The following IGIP variants were observed in gnomAD, a reference collection of about 807,000 sequenced individuals.
IGIP encodes IgA-inducing protein homolog.
Under a neutral mutation model 3.2 loss-of-function variants are expected in IGIP, and 1 was observed. The ratio of observed to expected loss-of-function variants is 0.32; its 90% CI spans 0.11 to 1.50. The LOEUF (loss-of-function observed/expected upper bound fraction) is 1.50, where lower values mean the gene tolerates loss of function less well. Ranked by LOEUF, IGIP falls within the 40% of genes most tolerant of loss-of-function variation. IGIP has a pLI of 0.39. For synonymous variants in IGIP, 20 were observed against 22.7 expected, an observed-to-expected ratio of 0.88 and a Z score of 0.34; for missense variants, 64 against 69.0, an observed-to-expected ratio of 0.93 and a Z score of 0.26.
In IGIP at chr5:140,128,230, G is replaced by A. The variant is rs1763233999; in HGVS notation, c.-247G>A. On this transcript the variant is annotated 5_prime_UTR_variant, in exon 1 of 1. Transcript: ENST00000333305. ...ACAATATCCTTTCAGAAATAGAATT[G>A]TTCTTTAATATCTTTCCAAAATGAC... The A allele has an allele frequency of 3.0e-6, 1 of 331,790 alleles. No homozygotes were observed. The highest frequency in any genetic ancestry group is 5.1e-5 in the Admixed American group (1 of 19,732). 20.6% of individuals were successfully genotyped at this position (331,790 alleles called of 1,614,324 possible). A position where few individuals can be genotyped will look rare whatever the true frequency, so the allele number is the denominator to read the frequency against.
At position 140,128,058 on chromosome 5, in the gene IGIP, C is replaced by G. The variant is rs1218905718; in HGVS notation, c.-419C>G. 1 of 176,488 alleles carries G rather than the reference C, an allele frequency of 5.7e-6. No individual in the cohort carries two copies. Among genetic ancestry groups the G allele is most frequent in the Non-Finnish European group, 1.3e-5 (1 of 75,314 alleles). The allele number at this position is 176,488 out of a possible 1,614,324, so 10.9% of individuals were successfully genotyped here. A position where few individuals can be genotyped will look rare whatever the true frequency, so the allele number is the denominator to read the frequency against. ...ACATGGTTGTGCTCTGTTTGAAAGTCTAAGAATAGGTATTGTTGGAATATA... is the reference window on the plus strand; with the variant it reads ...ACATGGTTGTGCTCTGTTTGAAAGTGTAAGAATAGGTATTGTTGGAATATA... On this transcript the variant is annotated 5_prime_UTR_variant, in exon 1 of 1. Coordinates refer to ENST00000333305, the MANE Select transcript of IGIP (RefSeq NM_001007189.2).
rs765769869 is a variant in IGIP at position 140,128,602 on chromosome 5, C to T, written c.126C>T (p.Cys42=). The change falls in exon 1 of 1, where the codon TGC becomes TGT. Residue 42 remains cysteine (C), a synonymous_variant. Coordinates refer to ENST00000333305, the MANE Select transcript of IGIP (RefSeq NM_001007189.2). ...GTGGAAACCAAGCAAACGTGTTGTG[C>T]ATCAGCCGGCTTGAGTTTGTTCAAT... ...SPCGNQANVL[C]ISRLEFVQYQ... 4 of 1,612,620 alleles carry T rather than the reference C, an allele frequency of 2.5e-6. No individual in the cohort carries two copies. The highest frequency in any genetic ancestry group is 2.5e-6 in the Non-Finnish European group (3 of 1,179,692).
Position 140,128,748 on chromosome 5 carries a change from A to G in IGIP, c.*110A>G, listed in dbSNP as rs1763241286. The G allele has an allele frequency of 4.3e-6, 4 of 932,592 alleles. No homozygotes were observed. Among genetic ancestry groups the G allele is most frequent in the Non-Finnish European group, 6.4e-6 (4 of 629,498 alleles). The allele number at this position is 932,592 out of a possible 1,614,324, so 57.8% of individuals were successfully genotyped here. On this transcript the variant is annotated 3_prime_UTR_variant, in exon 1 of 1. Transcript: ENST00000333305. Reference sequence around the variant, plus strand: ...TATACTTTGTACAGATTTAAATTTTATTTGAAAAAATGAAATAAAGTAGGC... The same window carrying G: ...TATACTTTGTACAGATTTAAATTTTGTTTGAAAAAATGAAATAAAGTAGGC...
At position 140,127,116 on chromosome 5, in the gene IGIP, T is replaced by G. The variant is rs1763222299; in HGVS notation, c.-1361T>G. On this transcript the variant is annotated 5_prime_UTR_variant, in exon 1 of 1. Coordinates refer to ENST00000333305, the MANE Select transcript of IGIP (RefSeq NM_001007189.2). ...TCACTTCCCATTTTTCTTACTGATC[T>G]CAGTGCAAACTACACTAGTCTGTTT... 6.0e-6 allele frequency: 1 copy of G among 167,044 alleles called. No individual in the cohort carries two copies. Among genetic ancestry groups the G allele is most frequent in the Non-Finnish European group, 1.5e-5 (1 of 68,132 alleles). 10.3% of individuals were successfully genotyped at this position (167,044 alleles called of 1,614,324 possible).
At position 140,128,435 on chromosome 5, in the gene IGIP, A is replaced by T; in HGVS notation, c.-42A>T. On this transcript the variant is annotated 5_prime_UTR_variant, in exon 1 of 1. Coordinates refer to ENST00000333305, the MANE Select transcript of IGIP (RefSeq NM_001007189.2). ...GAATTTTGCCAACTAAGAAGTAAGC[A>T]AATGCAATTTAAAAAGTAAATTTGA... is the stretch of plus-strand genomic sequence containing the variant. 1 of 1,513,754 alleles carries T rather than the reference A, an allele frequency of 6.6e-7. No individual in the cohort carries two copies. Among genetic ancestry groups the T allele is most frequent in the South Asian group, 1.3e-5 (1 of 77,728 alleles). 93.8% of individuals were successfully genotyped at this position (1,513,754 alleles called of 1,614,324 possible). A position where few individuals can be genotyped will look rare whatever the true frequency, so the allele number is the denominator to read the frequency against.
Position 140,128,410 on chromosome 5 carries a change from G to T in IGIP, c.-67G>T. On this transcript the variant is annotated 5_prime_UTR_variant, in exon 1 of 1. Transcript: ENST00000333305. ...TTTGGGGACCCCATTTAAGAATGCT[G>T]AATTTTGCCAACTAAGAAGTAAGCA... 1 of 1,322,240 alleles carries T rather than the reference G, an allele frequency of 7.6e-7. No homozygotes were observed. Among genetic ancestry groups the T allele is most frequent in the Non-Finnish European group, 1.0e-6 (1 of 960,048 alleles). The allele number at this position is 1,322,240 out of a possible 1,614,324, so 81.9% of individuals were successfully genotyped here. A position where few individuals can be genotyped will look rare whatever the true frequency, so the allele number is the denominator to read the frequency against.
rs1291601388 is a variant in IGIP at position 140,129,127 on chromosome 5, T to C, written c.*489T>C. 2.0e-5 allele frequency: 3 copies of C among 152,440 alleles called. No homozygotes were observed. The highest frequency in any genetic ancestry group is 7.2e-5 in the African/African-American group (3 of 41,450). The allele number at this position is 152,440 out of a possible 1,614,324, so 9.4% of individuals were successfully genotyped here. On this transcript the variant is annotated 3_prime_UTR_variant, in exon 1 of 1. Coordinates refer to ENST00000333305, the MANE Select transcript of IGIP (RefSeq NM_001007189.2). ...ATCATGTTGAAGAGAAGGGAAACCTTTTCCCAAAGATCATGCTCCATTCTC... is the reference window on the plus strand; with the variant it reads ...ATCATGTTGAAGAGAAGGGAAACCTCTTCCCAAAGATCATGCTCCATTCTC...
chr5:140,128,451 G>C lies in IGIP; in HGVS notation c.-26G>C. The C allele has an allele frequency of 6.5e-7, 1 of 1,533,482 alleles. No individual in the cohort carries two copies. Among genetic ancestry groups the C allele is most frequent in the Non-Finnish European group, 8.7e-7 (1 of 1,143,236 alleles). 95.0% of individuals were successfully genotyped at this position (1,533,482 alleles called of 1,614,324 possible). On this transcript the variant is annotated 5_prime_UTR_variant, in exon 1 of 1. Coordinates refer to ENST00000333305, the MANE Select transcript of IGIP (RefSeq NM_001007189.2). ...GAAGTAAGCAAATGCAATTTAAAAA[G>C]TAAATTTGAGCATTCTGTATTAAAT...
rs1273509502 is a variant in IGIP at position 140,127,930 on chromosome 5, A to G, written c.-547A>G. The G allele has an allele frequency of 6.0e-6, 1 of 166,412 alleles. No individual in the cohort carries two copies. The highest frequency in any genetic ancestry group is 1.5e-5 in the Non-Finnish European group (1 of 68,148). The allele number at this position is 166,412 out of a possible 1,614,324, so 10.3% of individuals were successfully genotyped here. A position where few individuals can be genotyped will look rare whatever the true frequency, so the allele number is the denominator to read the frequency against. ...ATGGGAAAACAAATAAAGTATAAAG[A>G]AGACAATTCTTTTCATTGAAATATA... On this transcript the variant is annotated 5_prime_UTR_variant, in exon 1 of 1. Transcript: ENST00000333305.
At position 140,128,773 on chromosome 5, in the gene IGIP, C is replaced by G; in HGVS notation, c.*135C>G. ...ATTTGAAAAAATGAAATAAAGTAGG[C>G]AAAAAAATAAAGATGTTTATTTTTC... On this transcript the variant is annotated 3_prime_UTR_variant, in exon 1 of 1. Transcript: ENST00000333305. The G allele has an allele frequency of 1.4e-6, 1 of 716,752 alleles. No homozygotes were observed. The highest frequency in any genetic ancestry group is 2.2e-6 in the Non-Finnish European group (1 of 448,722). 44.4% of individuals were successfully genotyped at this position (716,752 alleles called of 1,614,324 possible).
Position 140,128,390 on chromosome 5 carries a change from G to A in IGIP, c.-87G>A. The A allele has an allele frequency of 2.1e-6, 2 of 937,672 alleles. No individual in the cohort carries two copies. Among genetic ancestry groups the A allele is most frequent in the Non-Finnish European group, 1.6e-6 (1 of 618,450 alleles). 58.1% of individuals were successfully genotyped at this position (937,672 alleles called of 1,614,324 possible). ...AATATCATTAATTTGCACTGTTTGG[G>A]GACCCCATTTAAGAATGCTGAATTT... On this transcript the variant is annotated 5_prime_UTR_variant, in exon 1 of 1. Coordinates refer to ENST00000333305, the MANE Select transcript of IGIP (RefSeq NM_001007189.2).
rs1763235683 is a variant in IGIP, at chr5:140,128,357, A to T, written c.-120A>T. The T allele has an allele frequency of 1.6e-6, 1 of 628,800 alleles. No individual in the cohort carries two copies. Among genetic ancestry groups the T allele is most frequent in the African/African-American group, 1.9e-5 (1 of 52,080 alleles). 39.0% of individuals were successfully genotyped at this position (628,800 alleles called of 1,614,324 possible). On this transcript the variant is annotated 5_prime_UTR_variant, in exon 1 of 1. Transcript: ENST00000333305. ...ATCCTTATTGGAGATGTGCCAATAT[A>T]CAGTTAGAATATCATTAATTTGCAC...
In IGIP at chr5:140,127,198, A is replaced by C. The variant is rs929898601; in HGVS notation, c.-1279A>C. The C allele has an allele frequency of 6.0e-6, 1 of 167,078 alleles. No individual in the cohort carries two copies. Among genetic ancestry groups the C allele is most frequent in the Non-Finnish European group, 1.5e-5 (1 of 68,152 alleles). The allele number at this position is 167,078 out of a possible 1,614,324, so 10.3% of individuals were successfully genotyped here. A position where few individuals can be genotyped will look rare whatever the true frequency, so the allele number is the denominator to read the frequency against. On this transcript the variant is annotated 5_prime_UTR_variant, in exon 1 of 1. The change abolishes an upstream ATG in the 5' untranslated region. Coordinates refer to ENST00000333305, the MANE Select transcript of IGIP (RefSeq NM_001007189.2). ...GGTGTGTATTATGTGGGCTAAGTTC[A>C]TGTGTTATCCTAAGGCACAAGAGTT...
At position 140,128,950 on chromosome 5, in the gene IGIP, A is replaced by C. The variant is rs924406734; in HGVS notation, c.*312A>C. 3.6e-5 allele frequency: 9 copies of C among 251,240 alleles called. No homozygotes were observed. The highest frequency in any genetic ancestry group is 2.1e-4 in the African/African-American group (9 of 43,302). 15.6% of individuals were successfully genotyped at this position (251,240 alleles called of 1,614,324 possible). On this transcript the variant is annotated 3_prime_UTR_variant, in exon 1 of 1. Transcript: ENST00000333305. ...TTATGCTTATGAATTGGCTGCAAGC[A>C]TTAAGTGTGCTCTCATACTAGAGAA...
In IGIP at chr5:140,126,571, A is replaced by G. The variant is rs1177346216; in HGVS notation, c.-1906A>G. The G allele has an allele frequency of 6.0e-6, 1 of 166,956 alleles. No individual in the cohort carries two copies. The highest frequency in any genetic ancestry group is 1.5e-5 in the Non-Finnish European group (1 of 68,108). The allele number at this position is 166,956 out of a possible 1,614,324, so 10.3% of individuals were successfully genotyped here. On this transcript the variant is annotated 5_prime_UTR_variant, in exon 1 of 1. Coordinates refer to ENST00000333305, the MANE Select transcript of IGIP (RefSeq NM_001007189.2). Reference sequence around the variant, plus strand: ...CACTTGCAACATGAAAAACTGTCCAACTCCTCTAAGGTTCTGACAAAATAA... The same window carrying G: ...CACTTGCAACATGAAAAACTGTCCAGCTCCTCTAAGGTTCTGACAAAATAA...
Position 140,127,534 on chromosome 5 carries a change from G to C in IGIP, c.-943G>C, listed in dbSNP as rs1233484364. The C allele has an allele frequency of 6.0e-6, 1 of 167,066 alleles. No individual in the cohort carries two copies. Among genetic ancestry groups the C allele is most frequent in the Non-Finnish European group, 1.5e-5 (1 of 68,130 alleles). The allele number at this position is 167,066 out of a possible 1,614,324, so 10.3% of individuals were successfully genotyped here. On this transcript the variant is annotated 5_prime_UTR_variant, in exon 1 of 1. Transcript: ENST00000333305. ...TGGGTTCTCAGATGCCACAGACTCC[G>C]TGAGAAGTCACCATTATTTTCAATG...
Position 140,128,699 on chromosome 5 carries a change from C to A in IGIP, c.*61C>A. The A allele has an allele frequency of 7.3e-7, 1 of 1,375,178 alleles. No homozygotes were observed. Among genetic ancestry groups the A allele is most frequent in the Non-Finnish European group, 1.0e-6 (1 of 990,008 alleles). 85.2% of individuals were successfully genotyped at this position (1,375,178 alleles called of 1,614,324 possible). On this transcript the variant is annotated 3_prime_UTR_variant, in exon 1 of 1. Coordinates refer to ENST00000333305, the MANE Select transcript of IGIP (RefSeq NM_001007189.2). ...ATTGTGATTATTTTAGGCATTGATTCTTACAAAATATATACTGTAACAGTA... is the reference window on the plus strand; with the variant it reads ...ATTGTGATTATTTTAGGCATTGATTATTACAAAATATATACTGTAACAGTA...
chr5:140,128,630 C>A lies in IGIP; in HGVS notation c.154C>A (p.Gln52Lys), dbSNP rs1193239236. 1 of 1,610,184 alleles carries A rather than the reference C, an allele frequency of 6.2e-7. No homozygotes were observed. The highest frequency in any genetic ancestry group is 1.7e-5 in the Admixed American group (1 of 58,854). ...CISRLEFVQY[Q>K]S is the part of the protein sequence containing the mutation. ...CAGCCGGCTTGAGTTTGTTCAATAT[C>A]AAAGCTGAAAACTAGCGAGGTCTGC... is the stretch of plus-strand genomic sequence containing the variant. The change falls in exon 1 of 1, where the codon CAA (glutamine) becomes AAA (lysine). Residue 52 changes from glutamine (Q) to lysine (K), a missense_variant. Transcript: ENST00000333305.
In IGIP at chr5:140,127,493, A is replaced by T. The variant is rs1475410144; in HGVS notation, c.-984A>T. On this transcript the variant is annotated 5_prime_UTR_variant, in exon 1 of 1. Transcript: ENST00000333305. ...GGTAACTGAGGCTAATATGAGCAAGACTTTGGTTAATTAACTGGGTTCTCA... is the reference window on the plus strand; with the variant it reads ...GGTAACTGAGGCTAATATGAGCAAGTCTTTGGTTAATTAACTGGGTTCTCA... 6.0e-6 allele frequency: 1 copy of T among 167,008 alleles called. No homozygotes were observed. The highest frequency in any genetic ancestry group is 1.5e-5 in the Non-Finnish European group (1 of 68,104). The allele number at this position is 167,008 out of a possible 1,614,324, so 10.3% of individuals were successfully genotyped here. A position where few individuals can be genotyped will look rare whatever the true frequency, so the allele number is the denominator to read the frequency against.
Sources: gnomAD v4.1 joint callset for allele counts on GRCh38, gnomAD v4.1.1 for gene constraint, MANE v1.5 for transcripts, NCBI Gene and HGNC (gene_info 2026-07-23, HGNC 2026-07-21) for gene names.